TEX26: variants seen among roughly 807,000 people sequenced by gnomAD.
The protein encoded by TEX26 is testis-expressed protein 26.
Under a neutral mutation model 35.3 loss-of-function variants are expected in TEX26, and 34 were observed. The observed-to-expected ratio is 0.96, with a 90% confidence interval of 0.73 to 1.28. TEX26 has a LOEUF of 1.28. TEX26 is among the 50% of genes most tolerant of loss of function. The pLI, the probability that TEX26 is intolerant of heterozygous loss-of-function variation, is 0.00. For synonymous variants in TEX26, 136 were observed against 111.8 expected (o/e 1.22, Z -1.36); for missense variants, 371 against 330.1 (o/e 1.12, Z -0.96).
At chr13:30,950,784 T>C (rs1319205863) in intron 2 of TEX26, among the ~76,000 whole-genome samples, 17 of 152,180 alleles carry the variant, frequency 1.1e-4, no homozygotes, top group Admixed American at 1.1e-3. Context: ...GAACTTGGAT[T>C]ACAAGGAGGT....
At chr13:30,972,017 T>C (rs894717750) in intron 6 of TEX26, among the ~76,000 whole-genome samples, 1 of 152,188 alleles carries the variant, frequency 6.6e-6, no homozygotes, top group Non-Finnish European at 1.5e-5. Context: ...CAAAGATAAA[T>C]AAGGAATCCT....
chr13:30,968,792 G>T, intron 5 of TEX26, 93 bp from the exon 6 acceptor site: 1 of 1,207,506 alleles, frequency 8.3e-7, no homozygotes, highest in Non-Finnish European at 1.2e-6. Context: ...AGCTGGGCTG[G>T]GGGCTGTCAG....
chr13:30,939,889 G>T, intron 2 of TEX26, 111 bp downstream of exon 2: 1 of 976,932 alleles, frequency 1.0e-6, no homozygotes, highest in Admixed American at 2.0e-5. Context: ...TCGTAAAAAT[G>T]CTCTTGGATA....
intron 1 of TEX26, among the ~76,000 whole-genome samples, chr13:30,935,619 C>T (rs1235729589): frequency 1.3e-5 from 2 of 152,216 alleles, no homozygotes; most frequent in African/African-American, 4.8e-5. Flanking sequence ...CAGACAGGAG[C>T]TACGCTCTCT....
chr13:30,938,325 T>C (rs533699184), intron 1 of TEX26, among the ~76,000 whole-genome samples: 1 of 152,286 alleles, frequency 6.6e-6, no homozygotes, highest in Admixed American at 6.5e-5. Context: ...CCATTTTCTG[T>C]TGTTGTTGTA....
intron 2 of TEX26, among the ~76,000 whole-genome samples, chr13:30,940,751 A>G (rs1953465434): frequency 6.6e-6 from 1 of 152,130 alleles, no homozygotes; most frequent in Non-Finnish European, 1.5e-5. Context: ...AAGCCTGGAC[A>G]ACATGGTGAA....
intron 4 of TEX26, among the ~76,000 whole-genome samples, chr13:30,962,742 G>A (rs1460669244): frequency 6.6e-6 from 1 of 152,240 alleles, no homozygotes; most frequent in Non-Finnish European, 1.5e-5. Flanking sequence ...ATGAATCAGA[G>A]CAGCTGATAG....
intron 5 of TEX26, 34 bp downstream of exon 5, chr13:30,966,432 C>A: frequency 2.0e-5 from 20 of 994,312 alleles, no homozygotes; most frequent in Non-Finnish European, 2.4e-5. Flanking sequence ...TTCTTTTTCT[C>A]TTTTTTTTTT....
At chr13:30,958,780 T>G (rs1954229039) in intron 4 of TEX26, among the ~76,000 whole-genome samples, 1 of 152,170 alleles carries the variant, frequency 6.6e-6, no homozygotes, top group Admixed American at 6.5e-5. Flanking sequence ...GCACATTGAC[T>G]GTAGTATATC....
chr13:30,971,903 T>C (rs1954724840), intron 6 of TEX26, among the ~76,000 whole-genome samples: 1 of 152,178 alleles, frequency 6.6e-6, no homozygotes, highest in African/African-American at 2.4e-5. Context: ...CATCTCTTCC[T>C]CCAACTGAAA....
At chr13:30,969,386 G>A (rs976264507) in intron 6 of TEX26, among the ~76,000 whole-genome samples, 1 of 152,096 alleles carries the variant, frequency 6.6e-6, no homozygotes, top group Admixed American at 6.5e-5. Context: ...GTACAGTCAC[G>A]TTGTTTTGCT....
chr13:30,945,266 T>C (rs1593549137), intron 2 of TEX26, among the ~76,000 whole-genome samples: 1 of 152,078 alleles, frequency 6.6e-6, no homozygotes, highest in East Asian at 1.9e-4. Context: ...GAATAGCTAC[T>C]CCAGCTCGCT....
intron 2 of TEX26, among the ~76,000 whole-genome samples, chr13:30,950,525 C>T (rs1566149984): frequency 2.0e-5 from 3 of 152,116 alleles, no homozygotes; most frequent in Non-Finnish European, 2.9e-5. Context: ...TTAAATGTGG[C>T]AGGAAAGGAG....
At chr13:30,970,168 AGT>A (rs57600535) in intron 6 of TEX26, among the ~76,000 whole-genome samples, 2,228 of 146,454 alleles carry the variant, frequency 0.015, 19 homozygotes, top group African/African-American at 0.022. Flanking sequence ...GGTGTGTGTG[AGT>A]GTGTGTGTGT....
intron 3 of TEX26, among the ~76,000 whole-genome samples, chr13:30,954,036 T>C (rs1393669904): frequency 6.6e-6 from 1 of 151,966 alleles, no homozygotes; most frequent in Non-Finnish European, 1.5e-5. Flanking sequence ...GAGGACCAGG[T>C]TGGGTGGAGA....
rs1444758250 is a variant in TEX26 at position 30,973,940 on chromosome 13, A to G, written c.809-906A>G. Among the ~76,000 whole-genome samples, 3 of 151,546 alleles carry G rather than the reference A, an allele frequency of 2.0e-5. No homozygotes were observed. The East Asian group carries it at 5.8e-4, about 29-fold the overall frequency. On this transcript the variant is annotated intron_variant, in intron 6 of 6. Transcript: ENST00000380473. ...CGAGGCGGGTGGATCACTTGAGGTC[A>G]GGAGTCTGGGATTATACTAAAAGTA...
At chr13:30,934,657 C>T (rs1953200431) in intron 1 of TEX26, among the ~76,000 whole-genome samples, 1 of 152,182 alleles carries the variant, frequency 6.6e-6, no homozygotes, top group Non-Finnish European at 1.5e-5. Flanking sequence ...ATGCTGGCTG[C>T]AGCAGGGAAG....
At chr13:30,952,343 TC>T (rs1304986877) in intron 2 of TEX26, among the ~76,000 whole-genome samples, 1 of 152,114 alleles carries the variant, frequency 6.6e-6, no homozygotes, top group Non-Finnish European at 1.5e-5. Flanking sequence ...AAGCTTTTCT[TC>T]ACCAGCTATT....
intron 1 of TEX26, among the ~76,000 whole-genome samples, chr13:30,934,787 T>C (rs948256822): frequency 7.2e-4 from 110 of 152,218 alleles, no homozygotes; most frequent in African/African-American, 2.4e-3. Flanking sequence ...GGCCTCCTGC[T>C]CTATGGAGCA....
Sources: gnomAD v4.1 joint callset for allele counts (sites outside exome capture counted in the v4.1 genomes callset) on GRCh38, gnomAD v4.1.1 for gene constraint, MANE v1.5 for transcripts, NCBI Gene and HGNC (gene_info 2026-07-23, HGNC 2026-07-21) for gene names.